The following PRKCQ variants were observed in gnomAD, a reference collection of about 807,000 sequenced individuals.
PRKCQ encodes the protein protein kinase C theta type.
PRKCQ carries 41 observed loss-of-function variants against 91.2 expected under a neutral mutation model. The ratio of observed to expected loss-of-function variants is 0.45; its 90% CI spans 0.35 to 0.58. The LOEUF (loss-of-function observed/expected upper bound fraction) is 0.58. Among genes scored for constraint, PRKCQ ranks in the 20% least tolerant of loss-of-function variants. The pLI is 0.00. For missense variants in PRKCQ, 673 were observed against 896.5 expected, an observed-to-expected ratio of 0.75 and a Z score of 3.18; for synonymous variants, 307 against 316.9, an observed-to-expected ratio of 0.97 and a Z score of 0.33.
At chr10:6,567,240 C>G (rs1840867158) in intron 1 of PRKCQ, among the ~76,000 whole-genome samples, 1 of 152,162 alleles carries the variant, frequency 6.6e-6, no homozygotes, top group African/African-American at 2.4e-5. Context: ...CAATAGGACA[C>G]TTAAAAAAAT....
intron 1 of PRKCQ, among the ~76,000 whole-genome samples, chr10:6,532,733 T>A (rs1338109695): frequency 6.6e-6 from 1 of 152,322 alleles, no homozygotes; most frequent in South Asian, 2.1e-4. Context: ...CATTATAGAT[T>A]AGTGGCAAAT....
downstream of PRKCQ, among the ~76,000 whole-genome samples, chr10:6,426,587 G>C (rs1714542094): frequency 6.6e-6 from 1 of 152,092 alleles, no homozygotes; most frequent in Non-Finnish European, 1.5e-5. Flanking sequence ...CCTTAAATGA[G>C]GTTACTCGTG....
In PRKCQ at chr10:6,465,850, T is replaced by C. The variant is rs891240621; in HGVS notation, c.1354-1446A>G. Among the ~76,000 whole-genome samples, 8 of 152,246 alleles carry C rather than the reference T, an allele frequency of 5.3e-5. No homozygotes were observed. The highest frequency in any genetic ancestry group is 9.6e-5 in the African/African-American group (4 of 41,468). Reference sequence around the variant, plus strand: ...CTGATTTACTAATTCCATATATCTTTAAGTGAAGCCCACCCTTTTCTCTTC... The same window carrying C: ...CTGATTTACTAATTCCATATATCTTCAAGTGAAGCCCACCCTTTTCTCTTC... On this transcript the variant is annotated intron_variant, in intron 12 of 17. Coordinates refer to ENST00000263125, the MANE Select transcript of PRKCQ (RefSeq NM_006257.5). This position sits in a 1 kb window ranked among gnomAD's most constrained non-coding sequence, Gnocchi z 4.4.
the PRKCQ span, among the ~76,000 whole-genome samples, chr10:6,412,796 G>A: frequency 2.0e-5 from 3 of 152,254 alleles, no homozygotes; most frequent in Admixed American, 6.5e-5. Context: ...TAGCGTAAGC[G>A]GGTTACAAGT....
At chr10:6,449,074 C>G (rs1252821502) in intron 15 of PRKCQ, among the ~76,000 whole-genome samples, 3 of 152,218 alleles carry the variant, frequency 2.0e-5, no homozygotes, top group Non-Finnish European at 2.9e-5. Flanking sequence ...CGGAACAAAG[C>G]TGGATGGAGA....
chr10:6,467,624 C>T (rs1225703229), intron 12 of PRKCQ, among the ~76,000 whole-genome samples: 4 of 152,042 alleles, frequency 2.6e-5, no homozygotes, highest in South Asian at 4.2e-4. Flanking sequence ...CCAGTCTTGC[C>T]GACTGTCAAC....
intron 7 of PRKCQ, among the ~76,000 whole-genome samples, chr10:6,496,021 G>T (rs1837564479): frequency 6.6e-6 from 1 of 151,940 alleles, no homozygotes; most frequent in South Asian, 2.1e-4. Flanking sequence ...TTTGAGACCA[G>T]CCTGGCCAAC....
chr10:6,563,755 C>G (rs1465162934), intron 1 of PRKCQ, among the ~76,000 whole-genome samples: 2 of 152,176 alleles, frequency 1.3e-5, no homozygotes, highest in Non-Finnish European at 2.9e-5. Flanking sequence ...TTACTGAGCA[C>G]TTGCTATGTG....
At chr10:6,424,521 A>C (rs1833073052), downstream of PRKCQ, among the ~76,000 whole-genome samples, 1 of 151,890 alleles carries the variant, frequency 6.6e-6, no homozygotes, top group Non-Finnish European at 1.5e-5. Flanking sequence ...GTGGCAGGAG[A>C]AGTCTTCCTT....
chr10:6,505,365 C>T (rs2130842495), intron 4 of PRKCQ, among the ~76,000 whole-genome samples: 1 of 152,156 alleles, frequency 6.6e-6, no homozygotes, highest in African/African-American at 2.4e-5. Context: ...AAATCATTTA[C>T]CAAAAATACT....
chr10:6,511,269 G>T, intron 2 of PRKCQ, 75 bp from the exon 3 acceptor site: 2 of 1,351,422 alleles, frequency 1.5e-6, no homozygotes, highest in Non-Finnish European at 2.1e-6. Context: ...CTCAACAGTA[G>T]CACCTGCTCC....
chr10:6,574,886 C>T (rs569697908), intron 1 of PRKCQ, among the ~76,000 whole-genome samples: 1 of 152,318 alleles, frequency 6.6e-6, no homozygotes, highest in Non-Finnish European at 1.5e-5. Flanking sequence ...CCCTTCAGGT[C>T]TCAGTTGAGC....
At chr10:6,554,969 TC>T (rs1277253606) in intron 1 of PRKCQ, among the ~76,000 whole-genome samples, 1 of 152,200 alleles carries the variant, frequency 6.6e-6, no homozygotes, top group African/African-American at 2.4e-5. Context: ...TGGAATCATG[TC>T]CTTTGCAGCA....
At chr10:6,507,363 G>A in intron 4 of PRKCQ, 73 bp downstream of exon 4, 1 of 1,389,444 alleles carries the variant, frequency 7.2e-7, no homozygotes. Context: ...AATTGCAAAG[G>A]TAAAATAAGC....
chr10:6,453,478 C>T (rs1200960063), intron 15 of PRKCQ, among the ~76,000 whole-genome samples: 20 of 152,244 alleles, frequency 1.3e-4, no homozygotes, highest in South Asian at 1.2e-3. Flanking sequence ...GGTGGGACTG[C>T]CAACTAGTTC....
intron 1 of PRKCQ, among the ~76,000 whole-genome samples, chr10:6,528,829 T>G (rs1055824974): frequency 6.6e-6 from 1 of 152,248 alleles, no homozygotes; most frequent in African/African-American, 2.4e-5. Flanking sequence ...TGCTCCCACC[T>G]GTCCCTACTT....
intron 1 of PRKCQ, among the ~76,000 whole-genome samples, chr10:6,527,441 A>G (rs989073969): frequency 1.3e-5 from 2 of 152,178 alleles, no homozygotes; most frequent in East Asian, 3.9e-4. Context: ...TCATTATGAG[A>G]AGGCTCATAT....
chr10:6,444,369 TTACTG>T (rs1834130666), intron 15 of PRKCQ, among the ~76,000 whole-genome samples: 1 of 152,186 alleles, frequency 6.6e-6, no homozygotes, highest in East Asian at 1.9e-4. Context: ...ATTTTTAACA[TTACTG>T]AACTGTACAC....
chr10:6,473,824 T>C (rs757864657), intron 12 of PRKCQ, among the ~76,000 whole-genome samples: 10 of 152,218 alleles, frequency 6.6e-5, no homozygotes, highest in Non-Finnish European at 1.5e-4. Flanking sequence ...AATACCAGGA[T>C]GACATACTTT....
Sources: allele counts gnomAD v4.1 joint callset (sites outside exome capture counted in the v4.1 genomes callset), GRCh38; gene constraint gnomAD v4.1.1; non-coding constraint Gnocchi (gnomAD v3.1); transcripts MANE v1.5; gene names NCBI Gene and HGNC (gene_info 2026-07-23, HGNC 2026-07-21).